The following FHL1 variants were observed in gnomAD, a reference collection of about 807,000 sequenced individuals.
The protein encoded by FHL1 is four and a half LIM domains protein 1.
FHL1 carries 1 observed loss-of-function variant against 20.3 expected under a neutral mutation model. That is an observed-to-expected ratio of 0.05 (90% CI 0.02 to 0.23). The LOEUF (loss-of-function observed/expected upper bound fraction) is 0.23. Among genes scored for constraint, FHL1 ranks in the 10% least tolerant of loss-of-function variants. The probability of loss-of-function intolerance (pLI) is 1.00; values close to 1 mark genes in which losing one functional copy is unlikely to be tolerated. For synonymous variants in FHL1, 82 were observed against 88.9 expected, an observed-to-expected ratio of 0.92 and a Z score of 0.44; for missense variants, 177 against 234.0, an observed-to-expected ratio of 0.76 and a Z score of 1.59.
intron 2 of FHL1, among the ~76,000 whole-genome samples, chrX:136,189,486 T>TA (rs1328254517): frequency 2.7e-5 from 3 of 111,972 alleles, no homozygotes; most frequent in Non-Finnish European, 5.6e-5. Context: ...CTTTTCCACA[T>TA]ATTCCCTGTG....
intron 1 of FHL1, among the ~76,000 whole-genome samples, chrX:136,160,368 C>G (rs1013656009): frequency 3.4e-4 from 38 of 112,124 alleles, no homozygotes; most frequent in African/African-American, 1.1e-3. Context: ...ATGTGATTAT[C>G]TGAAAAATAC....
upstream of FHL1, chrX:136,196,793 C>A (rs747179567): frequency 1.7e-6 from 2 of 1,161,538 alleles, no homozygotes; most frequent in African/African-American, 3.6e-5. Flanking sequence ...AATTTTATTC[C>A]GGTACAGGGA....
Position 136,188,193 on chromosome X carries a change from T to C in FHL1, c.-27+18213T>C, listed in dbSNP as rs1014198481. On this transcript the variant is annotated intron_variant, in intron 2 of 6. Coordinates refer to the FHL1 transcript ENST00000394153. ...AATTATTTCATTTTATAAGTGAAGA[T>C]TGTTAACCCAAATGAAGCCCTGATT... Among the ~76,000 whole-genome samples the C allele has an allele frequency of 2.0e-4, 23 of 112,490 alleles. No individual in the cohort carries two copies. The South Asian group carries it at 7.8e-3, about 38-fold the overall frequency.
At chrX:136,173,389 T>C (rs778367018) in intron 2 of FHL1, among the ~76,000 whole-genome samples, 4 of 112,343 alleles carry the variant, frequency 3.6e-5, no homozygotes, top group Non-Finnish European at 7.5e-5. Context: ...GCCATTTGTA[T>C]TGATGTAACC....
chrX:136,170,246 TTAAAG>T (rs2072825950), intron 2 of FHL1, among the ~76,000 whole-genome samples: 1 of 111,926 alleles, frequency 8.9e-6, no homozygotes, highest in Admixed American at 9.5e-5. Context: ...AATGTCTGCT[TTAAAG>T]TAAAGATCTG....
intron 2 of FHL1, among the ~76,000 whole-genome samples, chrX:136,180,535 G>A (rs1474441752): frequency 8.9e-6 from 1 of 111,906 alleles, no homozygotes; most frequent in Non-Finnish European, 1.9e-5. Flanking sequence ...TTCCAGTCTA[G>A]TGGTTTTCAT....
Position 136,210,518 on chromosome X carries a change from C to T in FHL1, c.*493C>T, listed in dbSNP as rs181187092. ...GACATGCATGGTTTAACTTCCTCAT[C>T]AGAACTCTGCCCTTCCTTCTGTTCT... On this transcript the variant is annotated 3_prime_UTR_variant, in exon 6 of 6. Transcript: ENST00000370683. The T allele has an allele frequency of 2.4e-4, 92 of 389,717 alleles. No individual in the cohort carries two copies. Among genetic ancestry groups the T allele is most frequent in the African/African-American group, 1.9e-3 (79 of 40,755 alleles). The allele number at this position is 389,717 out of a possible 1,213,427, so 32.1% of individuals were successfully genotyped here.
At chrX:136,174,399 T>C (rs1389648645) in intron 2 of FHL1, among the ~76,000 whole-genome samples, 1 of 111,711 alleles carries the variant, frequency 9.0e-6, no homozygotes, top group Non-Finnish European at 1.9e-5. Context: ...TCTCACACTT[T>C]AATGTGCAGA....
intron 2 of FHL1, among the ~76,000 whole-genome samples, chrX:136,179,147 G>A (rs1346568141): frequency 8.9e-6 from 1 of 111,953 alleles, no homozygotes; most frequent in Non-Finnish European, 1.9e-5. Context: ...GACCGGTAGA[G>A]TTTTTCCTAT....
upstream of FHL1, among the ~76,000 whole-genome samples, chrX:136,166,475 T>C (rs1382711370): frequency 1.8e-5 from 2 of 111,612 alleles, no homozygotes; most frequent in Admixed American, 9.5e-5. Context: ...GAAGACACTT[T>C]CCCTGCCCCT....
chrX:136,181,251 A>T (rs2073151298), intron 2 of FHL1, among the ~76,000 whole-genome samples: 1 of 112,151 alleles, frequency 8.9e-6, no homozygotes, highest in Admixed American at 9.5e-5. Context: ...TCCAGTTACC[A>T]TGAGCACTTA....
intron 2 of FHL1, among the ~76,000 whole-genome samples, chrX:136,183,165 G>A (rs934209784): frequency 9.0e-6 from 1 of 110,832 alleles, no homozygotes; most frequent in Non-Finnish European, 1.9e-5. Context: ...GAGATTAGTT[G>A]GGGGATGTGG....
intron 4 of FHL1, 151 bp downstream of exon 4, chrX:136,208,112 TGGATTA>T (rs1433326960): frequency 9.1e-6 from 7 of 766,988 alleles, no homozygotes; most frequent in Non-Finnish European, 1.2e-5. Flanking sequence ...GAGGAGATCG[TGGATTA>T]GGAAGCAGTG....
At chrX:136,170,626 G>A (rs921715546) in intron 2 of FHL1, among the ~76,000 whole-genome samples, 1 of 110,931 alleles carries the variant, frequency 9.0e-6, no homozygotes, top group African/African-American at 3.3e-5. Context: ...GATGACTCAG[G>A]GTTCCTCAAT....
chrX:136,180,545 T>TA (rs1603256659), intron 2 of FHL1, among the ~76,000 whole-genome samples: 1 of 112,028 alleles, frequency 8.9e-6, no homozygotes, highest in Non-Finnish European at 1.9e-5. Flanking sequence ...GTGGTTTTCA[T>TA]ATTGTATTCC....
chrX:136,186,725 G>A (rs948484151), intron 2 of FHL1, among the ~76,000 whole-genome samples: 2 of 109,341 alleles, frequency 1.8e-5, no homozygotes. Context: ...ATGGTGGCAC[G>A]CACCTTTAGT....
At chrX:136,186,167 G>A (rs1333479609) in intron 2 of FHL1, among the ~76,000 whole-genome samples, 1 of 111,807 alleles carries the variant, frequency 8.9e-6, no homozygotes, top group Non-Finnish European at 1.9e-5. Context: ...TATGTTGTGT[G>A]CATTGTCAGT....
chrX:136,209,196 C>T (rs752489174), intron 5 of FHL1: 11 of 1,154,167 alleles, frequency 9.5e-6, no homozygotes, highest in East Asian at 3.0e-5. Flanking sequence ...CCCATCTTCC[C>T]GGGGAGCCTT....
Position 136,210,675 on chromosome X carries a change from T to G in FHL1, c.*650T>G, listed in dbSNP as rs1219064977. ...GGCATGTTTTCTGAGCGTTCCTACT[T>G]TAAAGCATGGAACATGCAGGTGATT... On this transcript the variant is annotated 3_prime_UTR_variant, in exon 6 of 6. Coordinates refer to ENST00000370683, the MANE Select transcript of FHL1 (RefSeq NM_001159699.2). 2.6e-6 allele frequency: 1 copy of G among 389,821 alleles called. No individual in the cohort carries two copies. The highest frequency in any genetic ancestry group is 4.8e-6 in the Non-Finnish European group (1 of 206,905). 32.1% of individuals were successfully genotyped at this position (389,821 alleles called of 1,213,427 possible).
Sources: gnomAD v4.1 joint callset for allele counts (sites outside exome capture counted in the v4.1 genomes callset) on GRCh38, gnomAD v4.1.1 for gene constraint, MANE v1.5 for transcripts, NCBI Gene and HGNC (gene_info 2026-07-23, HGNC 2026-07-21) for gene names.